The following COG6 variants were observed in gnomAD, a reference collection of about 807,000 sequenced individuals.
COG6 encodes conserved oligomeric Golgi complex subunit 6.
In COG6, 74 loss-of-function variants were observed where a neutral mutation model predicts 88.8. That is an observed-to-expected ratio of 0.83 (90% CI 0.69 to 1.01). The LOEUF (loss-of-function observed/expected upper bound fraction) is 1.01. Ranked by LOEUF, COG6 falls within the 50% of genes least tolerant of loss-of-function variation. COG6 has a pLI of 0.00. For synonymous variants in COG6, 286 were observed against 278.7 expected (o/e 1.03, Z -0.26); for missense variants, 800 against 797.9 (o/e 1.00, Z -0.03).
chr13:39,751,063 G>T lies in COG6; in HGVS notation c.1944G>T (p.Ser648=), dbSNP rs756904160. 8 of 1,613,544 alleles carry T rather than the reference G, an allele frequency of 5.0e-6. No individual in the cohort carries two copies. The highest frequency in any genetic ancestry group is 5.9e-6 in the Non-Finnish European group (7 of 1,179,792). The stretch of plus-strand genomic sequence containing the variant: ...ATCCAGAGAACATTCTTCACCGATC[G>T]CCGCAGCAAGTGCAGACGCTTCTTT... ...YKDPENILHR[S]PQQVQTLLS The change falls in exon 19 of 19, where the codon TCG becomes TCT. Residue 648 remains serine (S), a synonymous_variant. Coordinates refer to ENST00000455146, the MANE Select transcript of COG6 (RefSeq NM_020751.3).
chr13:39,758,232 AAAAAAAAAAAT>A (rs1254517647), intron 18 of COG6, among the ~76,000 whole-genome samples: 32 of 149,968 alleles, frequency 2.1e-4, no homozygotes, highest in Admixed American at 1.5e-3. Context: ...AAAAAAAAAA[AAAAAAAAAAAT>A]GACGAGCTGG....
At chr13:39,738,674 A>G (rs781070818) in intron 18 of COG6, among the ~76,000 whole-genome samples, 1 of 152,150 alleles carries the variant, frequency 6.6e-6, no homozygotes, top group Admixed American at 6.6e-5. Context: ...TTTAAATATA[A>G]AGGTGGAGAT....
intron 4 of COG6, among the ~76,000 whole-genome samples, chr13:39,667,054 ATTTTAGTGAGAGCAGTTTCAC>A (rs1409124124): frequency 6.6e-6 from 1 of 152,122 alleles, no homozygotes; most frequent in Non-Finnish European, 1.5e-5. Flanking sequence ...TCTCACCCTA[ATTTTAGTGAGAGCAGTTTCAC>A]TTTTACTTGT....
At chr13:39,780,861 T>C (rs535065939) in intron 18 of COG6, among the ~76,000 whole-genome samples, 13 of 152,272 alleles carry the variant, frequency 8.5e-5, no homozygotes, top group African/African-American at 3.1e-4. Context: ...AGGCGATGGC[T>C]CTCGTTACTG....
At position 39,752,421 on chromosome 13, in the gene COG6, A is replaced by C; in HGVS notation, c.*1328A>C. 9.6e-7 allele frequency: 1 copy of C among 1,037,076 alleles called. No individual in the cohort carries two copies. The highest frequency in any genetic ancestry group is 1.5e-5 in the South Asian group (1 of 68,688). 64.2% of individuals were successfully genotyped at this position (1,037,076 alleles called of 1,614,324 possible). A position where few individuals can be genotyped will look rare whatever the true frequency, so the allele number is the denominator to read the frequency against. On this transcript the variant is annotated 3_prime_UTR_variant, in exon 19 of 19. Coordinates refer to ENST00000455146, the MANE Select transcript of COG6 (RefSeq NM_020751.3). ...TATAATCGTTATCCATTTGGGTATA[A>C]ATCTGTATTTTTAGTTTTTTCCCTT... is the stretch of plus-strand genomic sequence containing the variant.
chr13:39,718,360 A>G (rs138242233), intron 13 of COG6, among the ~76,000 whole-genome samples: 1,580 of 152,178 alleles, frequency 0.01, 19 homozygotes, highest in Middle Eastern at 0.048. Context: ...AGTCTCTTAC[A>G]TTGTCTTCTA....
chr13:39,726,776 C>G (rs1405736100), intron 17 of COG6, among the ~76,000 whole-genome samples: 2 of 151,910 alleles, frequency 1.3e-5, no homozygotes, highest in Non-Finnish European at 2.9e-5. Flanking sequence ...CATGCTGTCT[C>G]CTCTCCCTGA....
intron 18 of COG6, among the ~76,000 whole-genome samples, chr13:39,758,143 C>T (rs1410274703): frequency 6.7e-6 from 1 of 148,352 alleles, no homozygotes; most frequent in Non-Finnish European, 1.5e-5. Flanking sequence ...TCACTTGAAC[C>T]TGGGAGGTGA....
intron 13 of COG6, among the ~76,000 whole-genome samples, chr13:39,714,700 A>G (rs978671953): frequency 1.3e-5 from 2 of 152,188 alleles, no homozygotes; most frequent in Non-Finnish European, 2.9e-5. Flanking sequence ...CCTCTATGGA[A>G]AACAGTAGGA....
chr13:39,787,752 C>A (rs572295643), intron 18 of COG6, among the ~76,000 whole-genome samples: 16 of 152,136 alleles, frequency 1.1e-4, no homozygotes, highest in Non-Finnish European at 1.9e-4. Flanking sequence ...GACATTAAAA[C>A]ATTTTTTAAA....
chr13:39,722,112 T>G (rs935814231), intron 15 of COG6, among the ~76,000 whole-genome samples: 2 of 152,092 alleles, frequency 1.3e-5, no homozygotes, highest in African/African-American at 2.4e-5. Flanking sequence ...TTTTTAAATC[T>G]CTTCACTTTA....
At chr13:39,756,317 G>A (rs974613576), downstream of COG6, among the ~76,000 whole-genome samples, 1 of 151,964 alleles carries the variant, frequency 6.6e-6, no homozygotes. Flanking sequence ...AAACTTGAAG[G>A]TGGGTCAGTT....
At position 39,788,194 on chromosome 13, in the gene COG6, C is replaced by T. The variant is rs1201575639; in HGVS notation, c.1827-141C>T. 4.7e-6 allele frequency: 4 copies of T among 851,916 alleles called. No individual in the cohort carries two copies. In the African/African-American group the frequency reaches 6.7e-5, roughly 14 times the overall value. The allele number at this position is 851,916 out of a possible 1,614,324, so 52.8% of individuals were successfully genotyped here. ...TGCCCTTTCCATCTTCACACGTACT[C>T]CACCACATGGTAATCAGTATATGGT... is the stretch of plus-strand genomic sequence containing the variant. On this transcript the variant is annotated intron_variant, in intron 18 of 18. Coordinates refer to the COG6 transcript ENST00000416691.
intron 18 of COG6, among the ~76,000 whole-genome samples, chr13:39,767,112 C>T (rs1593481636): frequency 6.6e-6 from 1 of 152,166 alleles, no homozygotes; most frequent in Non-Finnish European, 1.5e-5. Context: ...TCCTTCATCT[C>T]CTTGCCTAAA....
At chr13:39,714,269 A>G (rs2138065234) in intron 13 of COG6, among the ~76,000 whole-genome samples, 1 of 152,292 alleles carries the variant, frequency 6.6e-6, no homozygotes, top group East Asian at 1.9e-4. Context: ...ACAAAAATAA[A>G]AATAAATAAA....
chr13:39,717,519 A>G (rs1232292243), intron 13 of COG6, among the ~76,000 whole-genome samples: 2 of 151,838 alleles, frequency 1.3e-5, no homozygotes, highest in African/African-American at 4.8e-5. Flanking sequence ...CTCAGACTCA[A>G]TAATCTTTAA....
chr13:39,733,816 T>C (rs908347788), intron 18 of COG6, among the ~76,000 whole-genome samples: 3 of 152,184 alleles, frequency 2.0e-5, no homozygotes, highest in Non-Finnish European at 4.4e-5. Flanking sequence ...TTGATCTCAT[T>C]ACTTGTTATT....
At position 39,746,968 on chromosome 13, in the gene COG6, C is replaced by G. The variant is rs778171381; in HGVS notation, c.1827-3978C>G. 2.0e-5 allele frequency among the ~76,000 whole-genome samples: 3 copies of G among 151,918 alleles called. No homozygotes were observed. In the East Asian group the frequency reaches 5.8e-4, roughly 29 times the overall value. On this transcript the variant is annotated intron_variant, in intron 18 of 18. Transcript: ENST00000455146. ...GTAGGTAGTTTTTTTAAAACAATAA[C>G]TCATTAAAATACTCTTAACTCTCAG...
rs928103914 is a variant in COG6, at chr13:39,668,564, G to A, written c.428+3410G>A. ...AGCACTTTGGGAGGCCGAGGTGGGC[G>A]GATCACGAGGTCAGGAGATCGAGAC... is the stretch of plus-strand genomic sequence containing the variant. On this transcript the variant is annotated intron_variant, in intron 4 of 18. Transcript: ENST00000455146. Among the ~76,000 whole-genome samples the A allele has an allele frequency of 2.0e-5, 3 of 152,096 alleles. No homozygotes were observed. In the South Asian group the frequency reaches 6.2e-4, roughly 31 times the overall value.
Sources: allele counts gnomAD v4.1 joint callset (sites outside exome capture counted in the v4.1 genomes callset), GRCh38; gene constraint gnomAD v4.1.1; transcripts MANE v1.5; gene names NCBI Gene and HGNC (gene_info 2026-07-23, HGNC 2026-07-21).